The following CNTNAP2 variants were observed in gnomAD, a reference collection of about 807,000 sequenced individuals.
The protein encoded by CNTNAP2 is contactin-associated protein-like 2.
In CNTNAP2, 98 loss-of-function variants were observed where a neutral mutation model predicts 155.2. That is an observed-to-expected ratio of 0.63 (90% confidence interval 0.54 to 0.75). The LOEUF is 0.75. Among genes scored for constraint, CNTNAP2 ranks in the 30% least tolerant of loss-of-function variants. The pLI is 0.00. For synonymous variants in CNTNAP2, 651 were observed against 631.2 expected, an observed-to-expected ratio of 1.03 and a Z score of -0.47; for missense variants, 1,727 against 1,688.1, an observed-to-expected ratio of 1.02 and a Z score of -0.40.
chr7:147,702,576 C>A (rs974655861), intron 13 of CNTNAP2, among the ~76,000 whole-genome samples: 1 of 151,872 alleles, frequency 6.6e-6, no homozygotes, highest in African/African-American at 2.4e-5. Context: ...CCTCTGCTTC[C>A]TTTAGTAACC....
At chr7:146,118,688 G>A (rs1797521178) in intron 1 of CNTNAP2, among the ~76,000 whole-genome samples, 1 of 152,040 alleles carries the variant, frequency 6.6e-6, no homozygotes, top group African/African-American at 2.4e-5. Flanking sequence ...CAGCCCTTGG[G>A]TTAATGCATT....
chr7:147,058,773 A>G (rs1182868151), intron 4 of CNTNAP2, among the ~76,000 whole-genome samples: 3 of 151,896 alleles, frequency 2.0e-5, no homozygotes, highest in African/African-American at 7.3e-5. Flanking sequence ...CGCCCAGCTA[A>G]TTTTTGTATT....
At chr7:147,826,903 C>G (rs1216698364) in intron 13 of CNTNAP2, among the ~76,000 whole-genome samples, 3 of 151,530 alleles carry the variant, frequency 2.0e-5, no homozygotes, top group Non-Finnish European at 2.9e-5. Context: ...AAGTGGATAT[C>G]CCCCTTTACA....
At chr7:147,106,616 A>T (rs749676936) in intron 4 of CNTNAP2, among the ~76,000 whole-genome samples, 14 of 152,134 alleles carry the variant, frequency 9.2e-5, no homozygotes, top group Non-Finnish European at 2.1e-4. Flanking sequence ...CATTGTACAA[A>T]CTTATTTAAA....
intron 13 of CNTNAP2, among the ~76,000 whole-genome samples, chr7:147,741,307 G>A (rs1011436513): frequency 2.6e-5 from 4 of 152,162 alleles, no homozygotes. Context: ...TGACCACAAA[G>A]GGCAATGTCA....
rs576199925 is a variant in CNTNAP2, at chr7:146,723,300, A to G, written c.98-50971A>G. 5.2e-3 allele frequency among the ~76,000 whole-genome samples: 791 copies of G among 152,268 alleles called. 11 individuals are homozygous for G. Among genetic ancestry groups the G allele is most frequent in the African/African-American group, 0.018 (747 of 41,544 alleles). On this transcript the variant is annotated intron_variant, in intron 1 of 23. Transcript: ENST00000361727. Reference sequence around the variant, plus strand: ...CACCAGAAGCTAGAAGGGGACAGGAAGGATCTGAGAGCTCATGGTCCAGCC... The same window carrying G: ...CACCAGAAGCTAGAAGGGGACAGGAGGGATCTGAGAGCTCATGGTCCAGCC...
rs1440164928 is a variant in CNTNAP2 at position 146,134,779 on chromosome 7, T to C, written c.97+17806T>C. 4.6e-5 allele frequency among the ~76,000 whole-genome samples: 7 copies of C among 151,868 alleles called. No homozygotes were observed. In the East Asian group the frequency reaches 1.2e-3, roughly 25 times the overall value. On this transcript the variant is annotated intron_variant, in intron 1 of 23. Coordinates refer to ENST00000361727, the MANE Select transcript of CNTNAP2 (RefSeq NM_014141.6). ...ATGAAGCCCACTTAATCATGGTGGA[T>C]AAGCTTTTTGATGTGCTGCTGGATT...
At chr7:146,633,115 T>C (rs887249984) in intron 1 of CNTNAP2, among the ~76,000 whole-genome samples, 12 of 152,150 alleles carry the variant, frequency 7.9e-5, no homozygotes, top group Admixed American at 6.5e-5. Flanking sequence ...TGAACATACT[T>C]CCTTTCCCAG....
chr7:147,710,520 C>T (rs1449979253), intron 13 of CNTNAP2, among the ~76,000 whole-genome samples: 1 of 152,160 alleles, frequency 6.6e-6, no homozygotes, highest in Non-Finnish European at 1.5e-5. Context: ...GCATTACTTC[C>T]TATGTAAACT....
At chr7:146,835,825 T>C (rs901658884) in intron 2 of CNTNAP2, among the ~76,000 whole-genome samples, 2 of 152,066 alleles carry the variant, frequency 1.3e-5, no homozygotes, top group African/African-American at 4.8e-5. Flanking sequence ...GGGAGGAGTT[T>C]AGGTGAAATG....
At chr7:146,143,806 AG>A in intron 1 of CNTNAP2, among the ~76,000 whole-genome samples, 1 of 151,898 alleles carries the variant, frequency 6.6e-6, no homozygotes, top group Non-Finnish European at 1.5e-5. Context: ...TCTGTCACCC[AG>A]GCTGGAGTAC....
chr7:147,492,210 G>A (rs995656980), intron 11 of CNTNAP2, among the ~76,000 whole-genome samples: 4 of 152,114 alleles, frequency 2.6e-5, no homozygotes, highest in Non-Finnish European at 5.9e-5. Context: ...CATAAGGAGT[G>A]CACAACCTCG....
At chr7:148,261,740 G>T (rs1796566291) in intron 20 of CNTNAP2, among the ~76,000 whole-genome samples, 1 of 152,178 alleles carries the variant, frequency 6.6e-6, no homozygotes, top group Admixed American at 6.5e-5. Context: ...CACACGTCCA[G>T]AGGTCTGTGG....
intron 14 of CNTNAP2, among the ~76,000 whole-genome samples, chr7:147,927,074 T>C (rs1800409465): frequency 6.6e-6 from 1 of 152,164 alleles, no homozygotes; most frequent in Non-Finnish European, 1.5e-5. Context: ...AATATGACAA[T>C]AAAACAATTG....
intron 3 of CNTNAP2, among the ~76,000 whole-genome samples, chr7:146,959,212 G>C (rs1362532750): frequency 6.6e-6 from 1 of 151,848 alleles, no homozygotes. Flanking sequence ...TACAGACAGC[G>C]TTTCACCATA....
intron 1 of CNTNAP2, among the ~76,000 whole-genome samples, chr7:146,132,508 G>T (rs1157665348): frequency 6.6e-6 from 1 of 151,360 alleles, no homozygotes; most frequent in African/African-American, 2.4e-5. Flanking sequence ...CTGGTGCACT[G>T]CACCAACTAA....
intron 1 of CNTNAP2, among the ~76,000 whole-genome samples, chr7:146,252,065 C>T (rs1799764079): frequency 6.6e-6 from 1 of 152,128 alleles, no homozygotes; most frequent in African/African-American, 2.4e-5. Context: ...AAGCAGCAGC[C>T]ACTATCCTGC....
intron 1 of CNTNAP2, among the ~76,000 whole-genome samples, chr7:146,399,047 T>C (rs1795675599): frequency 6.7e-6 from 1 of 150,032 alleles, no homozygotes; most frequent in Non-Finnish European, 1.5e-5. Flanking sequence ...TACATTTTCT[T>C]TTTCCTTTCT....
intron 1 of CNTNAP2, among the ~76,000 whole-genome samples, chr7:146,293,422 G>A (rs1402491287): frequency 6.6e-6 from 1 of 152,098 alleles, no homozygotes; most frequent in Non-Finnish European, 1.5e-5. Flanking sequence ...CTTCTATGAT[G>A]GTTTATTGAT....
Sources: gnomAD v4.1 joint callset for allele counts (sites outside exome capture counted in the v4.1 genomes callset) on GRCh38, gnomAD v4.1.1 for gene constraint, MANE v1.5 for transcripts, NCBI Gene and HGNC (gene_info 2026-07-23, HGNC 2026-07-21) for gene names.